The following ZFYVE9 variants were observed in gnomAD, a reference collection of about 807,000 sequenced individuals.
The protein encoded by ZFYVE9 is zinc finger FYVE domain-containing protein 9.
In ZFYVE9, 43 loss-of-function variants were observed where a neutral mutation model predicts 126.7. That is an observed-to-expected ratio of 0.34 (90% CI 0.27 to 0.44). The LOEUF (loss-of-function observed/expected upper bound fraction) is 0.44, where lower values mean the gene tolerates loss of function less well. ZFYVE9 is among the 20% of genes least tolerant of loss of function. The probability of loss-of-function intolerance (pLI) is 1.00; values close to 1 mark genes in which losing one functional copy is unlikely to be tolerated. For missense variants in ZFYVE9, 1,476 were observed against 1,697.0 expected, an observed-to-expected ratio of 0.87 and a Z score of 2.29; for synonymous variants, 521 against 597.4, an observed-to-expected ratio of 0.87 and a Z score of 1.87.
intron 7 of ZFYVE9, among the ~76,000 whole-genome samples, chr1:52,273,730 A>G (rs1200837819): frequency 6.7e-6 from 1 of 149,788 alleles, no homozygotes; most frequent in East Asian, 2.0e-4. Flanking sequence ...CGGGAGGCTG[A>G]GGCAGGAGAA....
At position 52,238,143 on chromosome 1, in the gene ZFYVE9, C is replaced by A; in HGVS notation, c.726C>A (p.Ser242=). 6.2e-7 allele frequency: 1 copy of A among 1,614,056 alleles called. No individual in the cohort carries two copies. The highest frequency in any genetic ancestry group is 8.5e-7 in the Non-Finnish European group (1 of 1,179,958). Reference sequence around the variant, plus strand: ...CTGATAGTCTAGCCAGTGTCTGTTCCCCTTCACAATTAAAGGATGACGGAA... The same window carrying A: ...CTGATAGTCTAGCCAGTGTCTGTTCACCTTCACAATTAAAGGATGACGGAA... The part of the protein sequence containing the change: ...TSSDSLASVC[S]PSQLKDDGSI... The change falls in exon 4 of 19, where the codon TCC becomes TCA. Residue 242 remains serine, a synonymous_variant. Coordinates refer to ENST00000287727, the MANE Select transcript of ZFYVE9 (RefSeq NM_004799.4).
chr1:52,272,274 A>G (rs1054241820), intron 7 of ZFYVE9, among the ~76,000 whole-genome samples: 2 of 152,258 alleles, frequency 1.3e-5, no homozygotes, highest in African/African-American at 4.8e-5. Flanking sequence ...GTGTGTATAC[A>G]CACACAAACA....
chr1:52,277,353 G>A (rs1645757955), intron 8 of ZFYVE9, among the ~76,000 whole-genome samples: 1 of 152,086 alleles, frequency 6.6e-6, no homozygotes, highest in Non-Finnish European at 1.5e-5. Flanking sequence ...TCAGATTGTT[G>A]GATTCCATTT....
At chr1:52,313,250 T>C (rs921910874) in intron 13 of ZFYVE9, among the ~76,000 whole-genome samples, 2 of 152,154 alleles carry the variant, frequency 1.3e-5, no homozygotes, top group Non-Finnish European at 2.9e-5. Context: ...ATCACACCAG[T>C]CCACCTTAAA....
chr1:52,176,637 T>C (rs1036809961), intron 1 of ZFYVE9, among the ~76,000 whole-genome samples: 1 of 152,182 alleles, frequency 6.6e-6, no homozygotes, highest in Admixed American at 6.5e-5. Context: ...AGCTGTGGTG[T>C]GCTCCACCCA....
intron 1 of ZFYVE9, among the ~76,000 whole-genome samples, chr1:52,169,516 C>T (rs1334957400): frequency 1.3e-5 from 2 of 152,132 alleles, no homozygotes; most frequent in Non-Finnish European, 1.5e-5. Context: ...CATTCATTTC[C>T]ATCCATTAGA....
chr1:52,339,260 T>C (rs1273812009), intron 16 of ZFYVE9, among the ~76,000 whole-genome samples: 2 of 152,080 alleles, frequency 1.3e-5, no homozygotes, highest in East Asian at 3.9e-4. Context: ...ACACTAGCAC[T>C]GTCATAATTA....
chr1:52,244,026 A>G (rs947167401), intron 4 of ZFYVE9, among the ~76,000 whole-genome samples: 5 of 152,190 alleles, frequency 3.3e-5, no homozygotes, highest in African/African-American at 4.8e-5. Flanking sequence ...AGGGTTTATC[A>G]CCTATATAAA....
chr1:52,189,244 TTTTTTTTC>T (rs1644794763), intron 1 of ZFYVE9, among the ~76,000 whole-genome samples: 1 of 150,806 alleles, frequency 6.6e-6, no homozygotes, highest in Admixed American at 6.6e-5. Flanking sequence ...GCCTATTTTT[TTTTTTTTC>T]TTTAGATAGG....
At chr1:52,305,601 G>A (rs972447051) in intron 13 of ZFYVE9, among the ~76,000 whole-genome samples, 1 of 152,086 alleles carries the variant, frequency 6.6e-6, no homozygotes, top group Non-Finnish European at 1.5e-5. Context: ...GGGGACAAGT[G>A]GGAGCCCCAC....
intron 1 of ZFYVE9, among the ~76,000 whole-genome samples, chr1:52,155,068 C>T (rs979029410): frequency 6.6e-6 from 1 of 152,060 alleles, no homozygotes; most frequent in Admixed American, 6.6e-5. Context: ...ATGTGCCATT[C>T]CTATCTTATA....
rs749242189 is a variant in ZFYVE9 at position 52,238,533 on chromosome 1, T to C, written c.1116T>C (p.Asn372=). The change falls in exon 4 of 19, where the codon AAT becomes AAC. Residue 372 remains asparagine, a synonymous_variant. Coordinates refer to ENST00000287727, the MANE Select transcript of ZFYVE9 (RefSeq NM_004799.4). The part of the protein sequence containing the change: ...LVPNEVRADE[N]EGYEHEETLG... ...CTAATGAAGTTAGGGCTGATGAAAA[T>C]GAAGGTTATGAACATGAAGAAACTC... 1.9e-6 allele frequency: 3 copies of C among 1,613,962 alleles called. No individual in the cohort carries two copies. Among genetic ancestry groups the C allele is most frequent in the South Asian group, 1.1e-5 (1 of 91,070 alleles).
chr1:52,164,444 C>T (rs1644493218), intron 1 of ZFYVE9, among the ~76,000 whole-genome samples: 1 of 152,058 alleles, frequency 6.6e-6, no homozygotes, highest in Non-Finnish European at 1.5e-5. Flanking sequence ...GAACTCCTCA[C>T]CTCAAGTAAT....
chr1:52,187,501 A>G (rs756299055), intron 1 of ZFYVE9, among the ~76,000 whole-genome samples: 2 of 152,226 alleles, frequency 1.3e-5, no homozygotes, highest in Non-Finnish European at 1.5e-5. Flanking sequence ...CTGCACAGCA[A>G]ACTACCAACA....
intron 4 of ZFYVE9, among the ~76,000 whole-genome samples, chr1:52,247,642 A>G (rs12095262): frequency 0.036 from 5,530 of 151,980 alleles, 248 homozygotes; most frequent in African/African-American, 0.11. Context: ...GATTACAAGC[A>G]CCCACCACCA....
At chr1:52,242,718 G>A (rs1392353214) in intron 4 of ZFYVE9, among the ~76,000 whole-genome samples, 1 of 152,174 alleles carries the variant, frequency 6.6e-6, no homozygotes, top group East Asian at 1.9e-4. Flanking sequence ...TGATGGGAAT[G>A]AATAGATATG....
At chr1:52,158,893 C>T (rs576007074) in intron 1 of ZFYVE9, among the ~76,000 whole-genome samples, 13 of 151,842 alleles carry the variant, frequency 8.6e-5, no homozygotes, top group African/African-American at 2.7e-4. Context: ...CCCAGGTTCA[C>T]GCCATTCTCC....
In ZFYVE9 at chr1:52,298,223, C is replaced by CT. The variant is rs140251678; in HGVS notation, c.3333+2247dup. Among the ~76,000 whole-genome samples, 1,495 of 152,194 alleles carry CT rather than the reference C, an allele frequency of 9.8e-3. 21 individuals are homozygous for CT. The highest frequency in any genetic ancestry group is 0.034 in the African/African-American group (1,393 of 41,510). ...GGGATCTTATCTAAAAATTCATTGC[C>CT]TAGCCCAATATTGTGAAGCATTTGC... On this transcript the variant is annotated intron_variant, in intron 12 of 18. Coordinates refer to ENST00000287727, the MANE Select transcript of ZFYVE9 (RefSeq NM_004799.4).
intron 13 of ZFYVE9, among the ~76,000 whole-genome samples, chr1:52,314,372 G>T (rs574799862): frequency 6.6e-6 from 1 of 152,288 alleles, no homozygotes; most frequent in East Asian, 1.9e-4. Context: ...TTTATACCCA[G>T]TAAAAATACG....
Sources: allele counts gnomAD v4.1 joint callset (sites outside exome capture counted in the v4.1 genomes callset), GRCh38; gene constraint gnomAD v4.1.1; transcripts MANE v1.5; gene names NCBI Gene and HGNC (gene_info 2026-07-23, HGNC 2026-07-21).